The following HORMAD1 variants were observed in gnomAD, a reference collection of about 807,000 sequenced individuals.
HORMAD1 encodes the protein HORMA domain-containing protein 1.
In HORMAD1, 33 loss-of-function variants were observed where a neutral mutation model predicts 58.2. The ratio of observed to expected loss-of-function variants is 0.57; its 90% CI spans 0.43 to 0.76. HORMAD1 has a LOEUF of 0.76. Ranked by LOEUF, HORMAD1 falls within the 30% of genes least tolerant of loss-of-function variation. The pLI, the probability that HORMAD1 is intolerant of heterozygous loss-of-function variation, is 0.00. For missense variants in HORMAD1, 363 were observed against 462.0 expected (o/e 0.79, Z 1.96); for synonymous variants, 137 against 144.6 (o/e 0.95, Z 0.38).
At chr1:150,708,634 A>C (rs1416704764) in intron 8 of HORMAD1, among the ~76,000 whole-genome samples, 1 of 152,224 alleles carries the variant, frequency 6.6e-6, no homozygotes, top group Admixed American at 6.5e-5. Flanking sequence ...TGTTTAAAGA[A>C]AGCACATTAT....
At chr1:150,716,197 T>C (rs753318548) in intron 3 of HORMAD1, among the ~76,000 whole-genome samples, 18 of 137,168 alleles carry the variant, frequency 1.3e-4, no homozygotes, top group Admixed American at 3.0e-4. Flanking sequence ...TGAGTCTTGC[T>C]CTGTTGCCAG....
intron 13 of HORMAD1, among the ~76,000 whole-genome samples, chr1:150,700,879 T>A (rs1471098584): frequency 6.6e-6 from 1 of 152,194 alleles, no homozygotes; most frequent in African/African-American, 2.4e-5. Flanking sequence ...TTTAGGTTTT[T>A]CCCATCTTTC....
chr1:150,706,761 T>G lies in HORMAD1; in HGVS notation c.596A>C (p.Glu199Ala). Residue 199 changes from glutamate (E) to alanine (A), a missense_variant, in exon 10 of 15, where the codon GAA (glutamate) becomes GCA (alanine). Glu to Ala is a moderately radical substitution (Grantham distance 107). Around this residue, in one of 3 missense-constraint regions of HORMAD1, gnomAD observed 226 missense variants for 257.8 expected, o/e 0.88. Transcript: ENST00000361824. ...QPPGFKDGDCEGVIFEGEPMY... is the reference protein window; with the variant it reads ...QPPGFKDGDCAGVIFEGEPMY... The stretch of plus-strand genomic sequence containing the variant: ...AGGTTCCCCTTCAAATATAACTCCT[T>G]CACAATCACCATCCTTAAAACCGGG... The G allele has an allele frequency of 2.5e-6, 4 of 1,613,520 alleles. No individual in the cohort carries two copies. The highest frequency in any genetic ancestry group is 3.4e-6 in the Non-Finnish European group (4 of 1,179,538).
chr1:150,717,228 C>T lies in HORMAD1; in HGVS notation c.88G>A (p.Val30Met). 2 of 1,594,542 alleles carry T rather than the reference C, an allele frequency of 1.3e-6. No individual in the cohort carries two copies. The highest frequency in any genetic ancestry group is 1.7e-6 in the Non-Finnish European group (2 of 1,166,734). ...ISTEHQSLVL[V>M]KRLLAVSVSC... is the part of the protein sequence containing the mutation. ...ACTGAAACTGCTAGAAGCCTCTTCA[C>T]TAACACCAAAGACTGGTGTTCAGTT... The change falls in exon 3 of 15, where the codon GTG becomes ATG. Residue 30 changes from valine to methionine, a missense_variant. Val to Met is a conservative substitution (Grantham distance 21). Coordinates refer to ENST00000361824, the MANE Select transcript of HORMAD1 (RefSeq NM_032132.5).
Position 150,717,211 on chromosome 1 carries a change from T to C in HORMAD1, c.105A>G (p.Ala35=). ...AATACGTGATACAGGATACTGAAAC[T>C]GCTAGAAGCCTCTTCACTAACACCA... The part of the protein sequence containing the change: ...QSLVLVKRLL[A]VSVSCITYLR... The change falls in exon 3 of 15, where the codon GCA becomes GCG. Residue 35 remains alanine, a synonymous_variant. Coordinates refer to ENST00000361824, the MANE Select transcript of HORMAD1 (RefSeq NM_032132.5). 1 of 1,597,394 alleles carries C rather than the reference T, an allele frequency of 6.3e-7. No homozygotes were observed. The highest frequency in any genetic ancestry group is 8.6e-7 in the Non-Finnish European group (1 of 1,168,168).
At chr1:150,699,331 G>A (rs1023303163) in intron 14 of HORMAD1, among the ~76,000 whole-genome samples, 3 of 151,972 alleles carry the variant, frequency 2.0e-5, no homozygotes, top group Non-Finnish European at 4.4e-5. Flanking sequence ...TTTCTCCAGA[G>A]GTACTAGGAG....
At chr1:150,710,181 C>T (rs1387567052) in intron 7 of HORMAD1, among the ~76,000 whole-genome samples, 1 of 152,046 alleles carries the variant, frequency 6.6e-6, no homozygotes, top group Non-Finnish European at 1.5e-5. Flanking sequence ...ACTAGAAATA[C>T]CCACAGGTGT....
intron 12 of HORMAD1, among the ~76,000 whole-genome samples, chr1:150,703,863 C>T (rs1361885618): frequency 6.6e-6 from 1 of 152,232 alleles, no homozygotes; most frequent in East Asian, 1.9e-4. Context: ...TAAATAACTG[C>T]ATAAGATTCT....
At position 150,708,394 on chromosome 1, in the gene HORMAD1, T is replaced by C. The variant is rs1651762590; in HGVS notation, c.409A>G (p.Asn137Asp). 1 of 1,596,002 alleles carries C rather than the reference T, an allele frequency of 6.3e-7. No homozygotes were observed. Among genetic ancestry groups the C allele is most frequent in the African/African-American group, 1.3e-5 (1 of 74,128 alleles). The change falls in exon 9 of 15, where the codon AAC (asparagine) becomes GAC (aspartate). Residue 137 changes from asparagine to aspartate, a missense_variant. Physicochemically the swap from Asn to Asp is conservative, Grantham distance 23. This residue lies in a region of HORMAD1 where 128 missense variants were observed against 171.8 expected (regional missense o/e 0.74). Coordinates refer to ENST00000361824, the MANE Select transcript of HORMAD1 (RefSeq NM_032132.5). ...LMDFISKNQS[N>D]ESSMLSTDTK... ...TCAGTAGACAACATGCTAGATTCGT[T>C]GCTTTGGTTTTTACTAGAAGAGAAT...
chr1:150,715,721 G>T (rs1248703817), intron 3 of HORMAD1, among the ~76,000 whole-genome samples: 1 of 151,634 alleles, frequency 6.6e-6, no homozygotes, highest in East Asian at 1.9e-4. Flanking sequence ...GAGCTTCCAC[G>T]CCTGGCCCTG....
At chr1:150,719,384 G>A (rs968382888) in intron 2 of HORMAD1, 89 bp downstream of exon 2, 71 of 766,060 alleles carry the variant, frequency 9.3e-5, no homozygotes, top group Middle Eastern at 2.5e-4. Context: ...TCAAATAGTT[G>A]AGCCCTAACT....
rs754563875 is a variant in HORMAD1, at chr1:150,714,603, T to C, written c.242+12A>G. 7.4e-7 allele frequency: 1 copy of C among 1,360,334 alleles called. No individual in the cohort carries two copies. 84.3% of individuals were successfully genotyped at this position (1,360,334 alleles called of 1,614,324 possible). A position where few individuals can be genotyped will look rare whatever the true frequency, so the allele number is the denominator to read the frequency against. On this transcript the variant is annotated intron_variant, in intron 4 of 14. Coordinates refer to ENST00000361824, the MANE Select transcript of HORMAD1 (RefSeq NM_032132.5). ...AAAATAATTTTCTCTCTTTAGGTAT[T>C]CTTTTACTTGCCATTTCACTAACTG...
intron 7 of HORMAD1, among the ~76,000 whole-genome samples, chr1:150,709,416 G>GAC (rs1270855216): frequency 1.3e-5 from 2 of 152,212 alleles, no homozygotes; most frequent in Non-Finnish European, 2.9e-5. Context: ...GGCTGTGCAG[G>GAC]ACGTGCCTTG....
Position 150,714,676 on chromosome 1 carries a change from G to A in HORMAD1, c.181C>T (p.Leu61Phe). 1 of 1,471,244 alleles carries A rather than the reference G, an allele frequency of 6.8e-7. No individual in the cohort carries two copies. The highest frequency in any genetic ancestry group is 9.3e-7 in the Non-Finnish European group (1 of 1,080,120). 91.1% of individuals were successfully genotyped at this position (1,471,244 alleles called of 1,614,324 possible). A position where few individuals can be genotyped will look rare whatever the true frequency, so the allele number is the denominator to read the frequency against. Residue 61 changes from leucine (L) to phenylalanine (F), a missense_variant and splice_region_variant, in exon 4 of 15, where the codon CTT becomes TTT. Leu to Phe is a conservative substitution (Grantham distance 22). Coordinates refer to ENST00000361824, the MANE Select transcript of HORMAD1 (RefSeq NM_032132.5). Reference sequence around the variant, plus strand: ...TCTTCTCTCAGTATTTTGACACAAAGATCTAAACACAAAAATGATGAAATA... The same window carrying A: ...TCTTCTCTCAGTATTTTGACACAAAAATCTAAACACAAAAATGATGAAATA... ...CAYGTRYLDD[L>F]CVKILREDKN...
chr1:150,706,402 C>A (rs902146379), intron 10 of HORMAD1, 151 bp downstream of exon 10: 3 of 670,552 alleles, frequency 4.5e-6, no homozygotes, highest in South Asian at 2.1e-5. Context: ...GTTTTAAAAC[C>A]ATAGGCCTAG....
intron 9 of HORMAD1, among the ~76,000 whole-genome samples, chr1:150,707,292 T>C (rs1470175233): frequency 6.6e-6 from 1 of 152,190 alleles, no homozygotes; most frequent in African/African-American, 2.4e-5. Context: ...AATGAGCTCA[T>C]ACCATTCCAT....
intron 6 of HORMAD1, 36 bp from the exon 7 acceptor site, chr1:150,711,607 G>T: frequency 6.7e-7 from 1 of 1,495,958 alleles, no homozygotes; most frequent in Non-Finnish European, 9.3e-7. Context: ...GTTATCTAAG[G>T]CTAAGTATTC....
At chr1:150,698,970 A>G (rs1053228064) in intron 14 of HORMAD1, 10 of 324,208 alleles carry the variant, frequency 3.1e-5, no homozygotes, top group East Asian at 5.3e-5. Context: ...GGGCTGCTCT[A>G]GAAGTGAGAA....
chr1:150,709,909 C>A (rs587612517), intron 7 of HORMAD1, among the ~76,000 whole-genome samples: 411 of 152,234 alleles, frequency 2.7e-3, no homozygotes, highest in South Asian at 8.3e-3. Flanking sequence ...GTCATAGTAC[C>A]TTCCCTTGAA....
Sources: gnomAD v4.1 joint callset for allele counts (sites outside exome capture counted in the v4.1 genomes callset) on GRCh38, gnomAD v4.1.1 for gene constraint, gnomAD v4.1.1 regional missense constraint, MANE v1.5 for transcripts, NCBI Gene and HGNC (gene_info 2026-07-23, HGNC 2026-07-21) for gene names.